Variants in CMTM8 observed in about 807,000 individuals in gnomAD.
CMTM8 encodes CKLF like MARVEL transmembrane domain containing 8.
A neutral mutation model predicts 18.6 loss-of-function variants in CMTM8; 12 were observed. The ratio of observed to expected loss-of-function variants is 0.65; its 90% CI spans 0.41 to 1.05. The LOEUF is 1.05. Among genes scored for constraint, CMTM8 ranks in the 50% least tolerant of loss-of-function variants. The pLI is 0.00. For synonymous variants in CMTM8, 87 were observed against 90.6 expected (o/e 0.96, Z 0.23); for missense variants, 217 against 227.2 (o/e 0.95, Z 0.29).
At position 32,357,539 on chromosome 3, in the gene CMTM8, C is replaced by A. The variant is rs760851606; in HGVS notation, c.314C>A (p.Thr105Lys). Reference protein sequence around the residue: ...TYTRIPQVPWTTVGLCFNGSA... With the variant: ...TYTRIPQVPWKTVGLCFNGSA... Reference sequence around the variant, plus strand: ...ACCAGGATTCCCCAGGTGCCCTGGACAACAGTGGTAAGGAAGCTGTGGGTG... The same window carrying A: ...ACCAGGATTCCCCAGGTGCCCTGGAAAACAGTGGTAAGGAAGCTGTGGGTG... Residue 105 changes from threonine (T) to lysine (K), a missense_variant, in exon 2 of 4, where the codon ACA becomes AAA. Thr to Lys is a moderately conservative substitution (Grantham distance 78). Coordinates refer to ENST00000307526, the MANE Select transcript of CMTM8 (RefSeq NM_178868.5). 2 of 1,614,008 alleles carry A rather than the reference C, an allele frequency of 1.2e-6. No individual in the cohort carries two copies. The highest frequency in any genetic ancestry group is 8.5e-7 in the Non-Finnish European group (1 of 1,179,914).
intron 1 of CMTM8, among the ~76,000 whole-genome samples, chr3:32,294,031 A>C (rs1250908773): frequency 6.6e-6 from 1 of 152,290 alleles, no homozygotes; most frequent in South Asian, 2.1e-4. Flanking sequence ...TTTCTCCTCC[A>C]TGAGAGTCGT....
At chr3:32,274,492 A>G (rs1476351054) in intron 1 of CMTM8, among the ~76,000 whole-genome samples, 1 of 152,118 alleles carries the variant, frequency 6.6e-6, no homozygotes, top group Non-Finnish European at 1.5e-5. Context: ...CTGAAATGTA[A>G]ATATCCTGCT....
chr3:32,277,837 T>A (rs141731134), intron 1 of CMTM8, among the ~76,000 whole-genome samples: 1,878 of 152,304 alleles, frequency 0.012, 19 homozygotes, highest in Non-Finnish European at 0.019. Context: ...GAGCCCATAG[T>A]TCCTCATGGC....
At chr3:32,319,074 A>ATATATATTTT in intron 1 of CMTM8, among the ~76,000 whole-genome samples, 8 of 31,524 alleles carry the variant, frequency 2.5e-4, no homozygotes, top group African/African-American at 3.1e-4. Context: ...ATATATATAT[A>ATATATATTTT]TTTTTTTTTT....
At chr3:32,296,476 T>A (rs1702881397) in intron 1 of CMTM8, among the ~76,000 whole-genome samples, 1 of 152,230 alleles carries the variant, frequency 6.6e-6, no homozygotes. Flanking sequence ...TTGGCTCTCC[T>A]CACTGGGGCC....
At chr3:32,321,532 CAATCTGCTA>C (rs1696054333) in intron 1 of CMTM8, among the ~76,000 whole-genome samples, 1 of 152,178 alleles carries the variant, frequency 6.6e-6, no homozygotes, top group Non-Finnish European at 1.5e-5. Flanking sequence ...ATTGCAACCA[CAATCTGCTA>C]AATCAGGAGT....
chr3:32,330,720 C>T (rs1696259850), intron 1 of CMTM8, among the ~76,000 whole-genome samples: 1 of 152,016 alleles, frequency 6.6e-6, no homozygotes, highest in Admixed American at 6.5e-5. Flanking sequence ...GACAAACATA[C>T]CAAGACTACA....
At chr3:32,296,110 C>T (rs1702874499) in intron 1 of CMTM8, among the ~76,000 whole-genome samples, 1 of 152,110 alleles carries the variant, frequency 6.6e-6, no homozygotes, top group Admixed American at 6.5e-5. Flanking sequence ...CAGTAACAAT[C>T]AGGACTTCTT....
chr3:32,309,469 G>A (rs531422178), intron 1 of CMTM8, among the ~76,000 whole-genome samples: 4 of 151,796 alleles, frequency 2.6e-5, no homozygotes, highest in South Asian at 2.1e-4. Context: ...CACCACGCCC[G>A]GCTAATTTTT....
intron 1 of CMTM8, among the ~76,000 whole-genome samples, chr3:32,260,510 T>C (rs1481854122): frequency 6.6e-6 from 1 of 152,180 alleles, no homozygotes; most frequent in Non-Finnish European, 1.5e-5. Context: ...CTTACCTGGA[T>C]TGCTTTCTGT....
At chr3:32,283,867 T>C (rs566671223) in intron 1 of CMTM8, among the ~76,000 whole-genome samples, 171 of 152,204 alleles carry the variant, frequency 1.1e-3, no homozygotes, top group Non-Finnish European at 1.9e-3. Flanking sequence ...TGGTATCTTT[T>C]CTGAAACTCC....
rs535599364 is a variant in CMTM8, at chr3:32,309,496, C to G, written c.148-47877C>G. Among the ~76,000 whole-genome samples, 5 of 151,776 alleles carry G rather than the reference C, an allele frequency of 3.3e-5. No homozygotes were observed. The East Asian group carries it at 9.7e-4, about 30-fold the overall frequency. Reference sequence around the variant, plus strand: ...CTAATTTTTGTATTTTTAGTAGAGACAGTGTTTTGCCGTCTTGGCCAGGCT... The same window carrying G: ...CTAATTTTTGTATTTTTAGTAGAGAGAGTGTTTTGCCGTCTTGGCCAGGCT... On this transcript the variant is annotated intron_variant, in intron 1 of 3. Coordinates refer to ENST00000307526, the MANE Select transcript of CMTM8 (RefSeq NM_178868.5).
At chr3:32,283,180 G>C (rs1267143817) in intron 1 of CMTM8, among the ~76,000 whole-genome samples, 1 of 152,176 alleles carries the variant, frequency 6.6e-6, no homozygotes, top group East Asian at 1.9e-4. Flanking sequence ...AATGCTTAGG[G>C]GGAGCATGAT....
In CMTM8 at chr3:32,369,971, A is replaced by G. The variant is rs1275786137; in HGVS notation, c.*4A>G. On this transcript the variant is annotated 3_prime_UTR_variant, in exon 4 of 4. Transcript: ENST00000307526. ...GAGATCCAGGACCATACAGTGATTTACCATTTTGATAATTAAAAGGAAAAA... is the reference window on the plus strand; with the variant it reads ...GAGATCCAGGACCATACAGTGATTTGCCATTTTGATAATTAAAAGGAAAAA... 5.2e-6 allele frequency: 8 copies of G among 1,540,150 alleles called. No homozygotes were observed. The East Asian group carries it at 9.1e-5, about 18-fold the overall frequency.
chr3:32,260,081 C>T (rs1022080409), intron 1 of CMTM8: 11 of 1,067,352 alleles, frequency 1.0e-5, no homozygotes, highest in East Asian at 2.4e-5. Context: ...CAGCTACCAT[C>T]GCCTGTTGGA....
chr3:32,316,082 A>C (rs991979098), intron 1 of CMTM8, among the ~76,000 whole-genome samples: 3 of 119,892 alleles, frequency 2.5e-5, no homozygotes, highest in Non-Finnish European at 4.7e-5. Context: ...GCTGGAGTAC[A>C]GTGGCGCGAT....
intron 1 of CMTM8, among the ~76,000 whole-genome samples, chr3:32,276,045 G>A (rs768164966): frequency 4.6e-5 from 7 of 152,126 alleles, no homozygotes; most frequent in East Asian, 1.9e-4. Flanking sequence ...TCTGGTGTCC[G>A]TAAGAAGCTC....
intron 1 of CMTM8, among the ~76,000 whole-genome samples, chr3:32,284,097 C>CA (rs918007451): frequency 2.0e-4 from 30 of 152,146 alleles, no homozygotes; most frequent in African/African-American, 6.3e-4. Context: ...ACTAAAAGTA[C>CA]AAAAAATCAG....
intron 1 of CMTM8, among the ~76,000 whole-genome samples, chr3:32,307,062 C>T (rs1385127412): frequency 6.6e-6 from 1 of 151,988 alleles, no homozygotes; most frequent in African/African-American, 2.4e-5. Context: ...CAAAAATTAG[C>T]TGGGCATGGT....
Sources: gnomAD v4.1 joint callset for allele counts (sites outside exome capture counted in the v4.1 genomes callset) on GRCh38, gnomAD v4.1.1 for gene constraint, MANE v1.5 for transcripts, NCBI Gene and HGNC (gene_info 2026-07-23, HGNC 2026-07-21) for gene names.